DOCK3: variants seen among roughly 807,000 people sequenced by gnomAD.
DOCK3 encodes the protein dedicator of cytokinesis protein 3.
A neutral mutation model predicts 265.6 loss-of-function variants in DOCK3; 60 were observed. The ratio of observed to expected loss-of-function variants is 0.23; its 90% CI spans 0.18 to 0.28. The LOEUF (loss-of-function observed/expected upper bound fraction) is 0.28. Among genes scored for constraint, DOCK3 ranks in the 10% least tolerant of loss-of-function variants. DOCK3 has a pLI of 1.00. For synonymous variants in DOCK3, 881 were observed against 938.0 expected, an observed-to-expected ratio of 0.94 and a Z score of 1.11; for missense variants, 1,981 against 2,594.3, an observed-to-expected ratio of 0.76 and a Z score of 5.14.
chr3:50,905,247 C>T (rs1382168202), intron 4 of DOCK3, among the ~76,000 whole-genome samples: 2 of 151,802 alleles, frequency 1.3e-5, no homozygotes, highest in African/African-American at 4.8e-5. Context: ...CAATGTGGGC[C>T]CTTTTTTGGT....
At chr3:51,269,137 C>CTCTA (rs1553823421) in intron 23 of DOCK3, among the ~76,000 whole-genome samples, 1 of 141,594 alleles carries the variant, frequency 7.1e-6, no homozygotes, top group Non-Finnish European at 1.5e-5. Context: ...CTCTCTCTCT[C>CTCTA]TATATATATA....
intron 2 of DOCK3, chr3:50,786,780 T>C: frequency 2.7e-6 from 2 of 740,662 alleles, no homozygotes; most frequent in Non-Finnish European, 5.1e-6. Context: ...CACTGGCACA[T>C]GAACTGTTTG....
chr3:51,064,464 T>C lies in DOCK3; in HGVS notation c.332T>C (p.Leu111Pro). Residue 111 changes from leucine to proline, a missense_variant, in exon 6 of 53, where the codon CTT becomes CCT. Leu to Pro is a moderately conservative substitution (Grantham distance 98). Around this residue, in one of 4 missense-constraint regions of DOCK3, gnomAD observed 456 missense variants for 539.0 expected, o/e 0.85. Transcript: ENST00000266037. ...CCCTTTCAGAAACACAAAGTAGATC[T>C]TTTCTACAAACTACGCCATGTGATG... ...KQLYVKHKVDLFYKLRHVMNE... is the reference protein window; with the variant it reads ...KQLYVKHKVDPFYKLRHVMNE... 1 of 1,614,004 alleles carries C rather than the reference T, an allele frequency of 6.2e-7. No homozygotes were observed. The highest frequency in any genetic ancestry group is 8.5e-7 in the Non-Finnish European group (1 of 1,179,870).
chr3:50,965,299 G>A (rs2076996056), intron 5 of DOCK3, among the ~76,000 whole-genome samples: 1 of 152,096 alleles, frequency 6.6e-6, no homozygotes, highest in South Asian at 2.1e-4. Flanking sequence ...AGCTAAAGCA[G>A]TAGAGAAGAA....
chr3:50,726,745 A>G (rs1423115416), intron 1 of DOCK3, among the ~76,000 whole-genome samples: 1 of 152,198 alleles, frequency 6.6e-6, no homozygotes, highest in African/African-American at 2.4e-5. Context: ...TTAAAAATTC[A>G]CTAAACAAAT....
intron 9 of DOCK3, among the ~76,000 whole-genome samples, chr3:51,097,166 C>G (rs975124471): frequency 3.3e-5 from 5 of 152,236 alleles, no homozygotes; most frequent in Admixed American, 6.5e-5. Flanking sequence ...TCTTCAGATT[C>G]ACAGGCAGGA....
At chr3:51,118,765 A>C (rs1445264934) in intron 9 of DOCK3, among the ~76,000 whole-genome samples, 1 of 151,332 alleles carries the variant, frequency 6.6e-6, no homozygotes, top group Non-Finnish European at 1.5e-5. Flanking sequence ...TGTTGGTTAA[A>C]GTCTGTTTTA....
rs1273378602 is a variant in DOCK3 at position 51,229,489 on chromosome 3, C to T, written c.1820-23C>T. The T allele has an allele frequency of 1.2e-5, 19 of 1,531,936 alleles. No homozygotes were observed. The Admixed American group carries it at 1.7e-4, about 14-fold the overall frequency. The allele number at this position is 1,531,936 out of a possible 1,614,324, so 94.9% of individuals were successfully genotyped here. A position where few individuals can be genotyped will look rare whatever the true frequency, so the allele number is the denominator to read the frequency against. Reference sequence around the variant, plus strand: ...GAATATCCAGGTTTCAAGGGTTCCTCATCTTTTGGGCTTGCTTTCTAGTGG... The same window carrying T: ...GAATATCCAGGTTTCAAGGGTTCCTTATCTTTTGGGCTTGCTTTCTAGTGG... On this transcript the variant is annotated intron_variant, in intron 18 of 52. Coordinates refer to ENST00000266037, the MANE Select transcript of DOCK3 (RefSeq NM_004947.5).
chr3:51,142,787 C>T (rs1447368148), intron 9 of DOCK3, among the ~76,000 whole-genome samples: 1 of 152,088 alleles, frequency 6.6e-6, no homozygotes, highest in Non-Finnish European at 1.5e-5. Context: ...AACTGTCAAG[C>T]TGTTTTCCAA....
Position 51,333,015 on chromosome 3 carries a change from G to A in DOCK3, c.3503G>A (p.Gly1168Glu). Reference protein sequence around the residue: ...ELFSLLTQLFGPYPSLLEKVE... With the variant: ...ELFSLLTQLFEPYPSLLEKVE... Reference sequence around the variant, plus strand: ...GCATGGAGTAGAACCCAGCTGTTTGGGCCCTACCCCAGGTAAGACTGCAGT... The same window carrying A: ...GCATGGAGTAGAACCCAGCTGTTTGAGCCCTACCCCAGGTAAGACTGCAGT... The change falls in exon 34 of 53, where the codon GGG (glycine) becomes GAG (glutamate). Residue 1168 changes from glycine to glutamate, a missense_variant. Coordinates refer to ENST00000266037, the MANE Select transcript of DOCK3 (RefSeq NM_004947.5). 1 of 1,613,914 alleles carries A rather than the reference G, an allele frequency of 6.2e-7. No individual in the cohort carries two copies. Among genetic ancestry groups the A allele is most frequent in the Non-Finnish European group, 8.5e-7 (1 of 1,179,874 alleles).
At chr3:50,886,615 G>A (rs565962068) in intron 3 of DOCK3, among the ~76,000 whole-genome samples, 41 of 136,590 alleles carry the variant, frequency 3.0e-4, no homozygotes, top group Non-Finnish European at 5.1e-4. Context: ...GTGTCCATGT[G>A]TTCTCATTGT....
chr3:51,332,938 GT>G, intron 33 of DOCK3, 62 bp from the exon 34 acceptor site: 1 of 1,606,558 alleles, frequency 6.2e-7, no homozygotes, highest in Non-Finnish European at 8.5e-7. Flanking sequence ...TAGAAGATGT[GT>G]TTTCATTTGT....
intron 3 of DOCK3, among the ~76,000 whole-genome samples, chr3:50,850,972 T>A (rs2046331808): frequency 2.0e-5 from 3 of 151,660 alleles, no homozygotes; most frequent in Non-Finnish European, 4.4e-5. Context: ...CCCTGCTCAG[T>A]CCCAGGGAAG....
At chr3:51,276,239 A>T in intron 25 of DOCK3, 1 of 377,716 alleles carries the variant, frequency 2.6e-6, no homozygotes, top group Non-Finnish European at 3.6e-6. Context: ...AGTGACTATG[A>T]TGGTGATAAT....
At chr3:50,706,907 G>T (rs1477714786) in intron 1 of DOCK3, among the ~76,000 whole-genome samples, 1 of 152,082 alleles carries the variant, frequency 6.6e-6, no homozygotes, top group Non-Finnish European at 1.5e-5. Flanking sequence ...GGGCCTGATA[G>T]GAAGTGATTG....
intron 22 of DOCK3, among the ~76,000 whole-genome samples, chr3:51,247,030 C>T (rs963752658): frequency 3.3e-5 from 5 of 152,216 alleles, no homozygotes; most frequent in Admixed American, 3.3e-4. Context: ...ATGATATGCA[C>T]ATGGCTCCTG....
At chr3:50,962,551 A>G (rs912415106) in intron 5 of DOCK3, among the ~76,000 whole-genome samples, 2 of 152,196 alleles carry the variant, frequency 1.3e-5, no homozygotes, top group Admixed American at 1.3e-4. Flanking sequence ...AAGAGCAACA[A>G]TGGTTTACAC....
rs546696074 is a variant in DOCK3, at chr3:51,248,705, G to A, written c.2184+1898G>A. 1.8e-4 allele frequency among the ~76,000 whole-genome samples: 27 copies of A among 151,980 alleles called. 1 individual carries two copies. In the South Asian group the frequency reaches 5.2e-3, roughly 29 times the overall value. The stretch of plus-strand genomic sequence containing the variant: ...TGCCTGGCTGCCCAGTCTGGAAAGT[G>A]AGGAGCGTCTCCGCCCGGCCGCCAT... On this transcript the variant is annotated intron_variant, in intron 22 of 52. Transcript: ENST00000266037.
In DOCK3 at chr3:51,381,630, G is replaced by T. The variant is rs1188886186; in HGVS notation, c.*71G>T. ...CAATCACTCCAGGTCTGAAAAGCAA[G>T]TCCCCCAGCCCCACCCCAGGGAGCC... On this transcript the variant is annotated 3_prime_UTR_variant, in exon 53 of 53. Coordinates refer to ENST00000266037, the MANE Select transcript of DOCK3 (RefSeq NM_004947.5). The surrounding 1 kb of genome is among the most constrained non-coding windows in gnomAD (Gnocchi z 5.6). 7.0e-7 allele frequency: 1 copy of T among 1,436,062 alleles called. No individual in the cohort carries two copies. The highest frequency in any genetic ancestry group is 9.1e-7 in the Non-Finnish European group (1 of 1,099,480). 89.0% of individuals were successfully genotyped at this position (1,436,062 alleles called of 1,614,324 possible).
Sources: allele counts gnomAD v4.1 joint callset (sites outside exome capture counted in the v4.1 genomes callset), GRCh38; gene constraint gnomAD v4.1.1; regional missense constraint gnomAD v4.1.1; non-coding constraint Gnocchi (gnomAD v3.1); transcripts MANE v1.5; gene names NCBI Gene and HGNC (gene_info 2026-07-23, HGNC 2026-07-21).